TLK1: variants seen among roughly 807,000 people sequenced by gnomAD.
TLK1 encodes tousled like kinase 1.
In TLK1, 24 loss-of-function variants were observed where a neutral mutation model predicts 105.3. That is an observed-to-expected ratio of 0.23 (90% CI 0.17 to 0.32). The LOEUF (loss-of-function observed/expected upper bound fraction) is 0.32, where lower values mean the gene tolerates loss of function less well. Among genes scored for constraint, TLK1 ranks in the 10% least tolerant of loss-of-function variants. The pLI is 1.00. For missense variants in TLK1, 558 were observed against 910.5 expected (o/e 0.61, Z 4.98); for synonymous variants, 321 against 310.4 (o/e 1.03, Z -0.36).
At chr2:171,168,018 T>G (rs1692642035) in intron 1 of TLK1, among the ~76,000 whole-genome samples, 1 of 151,902 alleles carries the variant, frequency 6.6e-6, no homozygotes, top group African/African-American at 2.4e-5. Flanking sequence ...TAAATTTTAC[T>G]GATTAAACCA....
At chr2:171,033,015 C>T (rs1181649668) in intron 11 of TLK1, among the ~76,000 whole-genome samples, 1 of 152,126 alleles carries the variant, frequency 6.6e-6, no homozygotes, top group Non-Finnish European at 1.5e-5. Flanking sequence ...CAAAACCAGC[C>T]TGGGCAACAT....
At chr2:171,007,541 C>T (rs958839750) in intron 14 of TLK1, among the ~76,000 whole-genome samples, 2 of 151,866 alleles carry the variant, frequency 1.3e-5, no homozygotes, top group Non-Finnish European at 2.9e-5. Flanking sequence ...GAAAAAAACT[C>T]GTTATTATAA....
intron 1 of TLK1, among the ~76,000 whole-genome samples, chr2:171,178,895 T>C (rs939774034): frequency 6.6e-6 from 1 of 152,238 alleles, no homozygotes; most frequent in African/African-American, 2.4e-5. Flanking sequence ...CTTACACAGA[T>C]GACTATTAAA....
intron 6 of TLK1, 43 bp from the exon 7 acceptor site, chr2:171,055,215 A>C (rs758179925): frequency 1.7e-6 from 2 of 1,182,048 alleles, no homozygotes; most frequent in Non-Finnish European, 2.3e-6. Context: ...AAAAAAAAAA[A>C]AAAAAACACA....
chr2:171,013,954 ATTTTC>A (rs1685051324), intron 13 of TLK1, among the ~76,000 whole-genome samples: 2 of 152,094 alleles, frequency 1.3e-5, no homozygotes, highest in South Asian at 2.1e-4. Flanking sequence ...GCCCACAGAT[ATTTTC>A]TTTTCTTTCA....
At chr2:171,158,966 G>C (rs1692342341) in intron 1 of TLK1, among the ~76,000 whole-genome samples, 1 of 152,188 alleles carries the variant, frequency 6.6e-6, no homozygotes, top group Non-Finnish European at 1.5e-5. Flanking sequence ...GCATATTCAT[G>C]CCAATCTTTA....
intron 1 of TLK1, among the ~76,000 whole-genome samples, chr2:171,230,774 T>C (rs1300091494): frequency 2.0e-5 from 3 of 152,222 alleles, no homozygotes; most frequent in Non-Finnish European, 2.9e-5. Context: ...CTGGGCTTGA[T>C]GTCAGAACTT....
intron 11 of TLK1, among the ~76,000 whole-genome samples, chr2:171,031,371 G>A (rs1559353695): frequency 6.6e-6 from 1 of 152,136 alleles, no homozygotes; most frequent in Non-Finnish European, 1.5e-5. Context: ...AATGAAAAGA[G>A]CTAAGCTAGG....
At chr2:171,103,309 C>G (rs1689775904) in intron 2 of TLK1, among the ~76,000 whole-genome samples, 1 of 139,328 alleles carries the variant, frequency 7.2e-6, no homozygotes, top group African/African-American at 3.0e-5. Flanking sequence ...AAGTCACACT[C>G]TGTCACTGAG....
intron 1 of TLK1, among the ~76,000 whole-genome samples, chr2:171,209,665 T>A (rs1693574970): frequency 1.3e-5 from 2 of 152,104 alleles, no homozygotes; most frequent in Admixed American, 6.5e-5. Flanking sequence ...TTATAATGAG[T>A]TACAGTGAGG....
intron 11 of TLK1, chr2:171,045,779 A>G (rs1686933997): frequency 6.2e-6 from 1 of 160,256 alleles, no homozygotes; most frequent in Non-Finnish European, 1.4e-5. Flanking sequence ...CCTATAACCC[A>G]CTAATGAACT....
intron 1 of TLK1, among the ~76,000 whole-genome samples, chr2:171,195,375 C>T (rs1054130494): frequency 2.0e-5 from 3 of 151,710 alleles, no homozygotes; most frequent in Non-Finnish European, 2.9e-5. Context: ...TGGTGGTGGG[C>T]GCCTGTAGTC....
intron 7 of TLK1, 63 bp downstream of exon 7, chr2:171,055,013 CTTAGTTG>C (rs1178178265): frequency 8.3e-6 from 7 of 840,212 alleles, no homozygotes; most frequent in African/African-American, 3.6e-5. Context: ...AAACAGACAT[CTTAGTTG>C]TTAGTAAGTT....
At chr2:171,081,556 A>C (rs1390901393) in intron 3 of TLK1, 1 of 903,754 alleles carries the variant, frequency 1.1e-6, no homozygotes, top group Non-Finnish European at 1.5e-6. Context: ...CTAAACCTAC[A>C]ATTTTCAAAG....
rs770320202 is a variant in TLK1, at chr2:170,997,772, G to T, written c.1956C>A (p.Ser652=). The T allele has an allele frequency of 3.7e-5, 59 of 1,609,206 alleles. No individual in the cohort carries two copies. Among genetic ancestry groups the T allele is most frequent in the Non-Finnish European group, 4.6e-5 (54 of 1,177,298 alleles). ...FVVGKEPPKI[S]NKVDVWSVGV... Reference sequence around the variant, plus strand: ...CAACCGACCATACATCAACCTTGTTGGAAATCTTTGGTGGCTCTTTTCCAA... The same window carrying T: ...CAACCGACCATACATCAACCTTGTTTGAAATCTTTGGTGGCTCTTTTCCAA... The change falls in exon 19 of 21, where the codon TCC becomes TCA. Residue 652 remains serine, a synonymous_variant. Transcript: ENST00000431350.
intron 11 of TLK1, among the ~76,000 whole-genome samples, chr2:171,035,866 AAAAG>A (rs1686304571): frequency 6.6e-6 from 1 of 152,156 alleles, no homozygotes; most frequent in Non-Finnish European, 1.5e-5. Context: ...AGAAGCTGGA[AAAAG>A]AAAGGAAATG....
At chr2:171,129,871 A>ATAACATAACG (rs1307752399) in intron 1 of TLK1, among the ~76,000 whole-genome samples, 2 of 151,816 alleles carry the variant, frequency 1.3e-5, no homozygotes, top group Non-Finnish European at 2.9e-5. Flanking sequence ...ATAACATAAC[A>ATAACATAACG]TAACATAACA....
At chr2:171,038,266 T>G (rs1223305810) in intron 11 of TLK1, among the ~76,000 whole-genome samples, 1 of 152,154 alleles carries the variant, frequency 6.6e-6, no homozygotes, top group African/African-American at 2.4e-5. Flanking sequence ...CTACAAAAAT[T>G]TTAACGCGAT....
intron 1 of TLK1, among the ~76,000 whole-genome samples, chr2:171,224,383 G>C (rs1030630605): frequency 1.7e-4 from 26 of 152,074 alleles, no homozygotes; most frequent in Non-Finnish European, 8.8e-5. Flanking sequence ...TGATGCTAAA[G>C]TTTTGTTCTT....
Sources: gnomAD v4.1 joint callset for allele counts (sites outside exome capture counted in the v4.1 genomes callset) on GRCh38, gnomAD v4.1.1 for gene constraint, MANE v1.5 for transcripts, NCBI Gene and HGNC (gene_info 2026-07-23, HGNC 2026-07-21) for gene names.